Variants in EVA1C observed in about 807,000 individuals in gnomAD.
EVA1C encodes the protein eva-1 homolog C.
In EVA1C, 25 loss-of-function variants were observed where a neutral mutation model predicts 45.4. That is an observed-to-expected ratio of 0.55 (90% CI 0.40 to 0.77). EVA1C has a LOEUF of 0.77. EVA1C is among the 30% of genes least tolerant of loss of function. The pLI is 0.00. For missense variants in EVA1C, 479 were observed against 554.8 expected, an observed-to-expected ratio of 0.86 and a Z score of 1.37; for synonymous variants, 190 against 221.2, an observed-to-expected ratio of 0.86 and a Z score of 1.25.
At chr21:32,476,497 C>T (rs531244307) in intron 4 of EVA1C, among the ~76,000 whole-genome samples, 1 of 152,098 alleles carries the variant, frequency 6.6e-6, no homozygotes, top group African/African-American at 2.4e-5. Context: ...CAAAATTAAC[C>T]ACATGTGGTG....
chr21:32,503,212 A>C (rs115240248), intron 6 of EVA1C, among the ~76,000 whole-genome samples: 2,244 of 152,324 alleles, frequency 0.015, 66 homozygotes, highest in African/African-American at 0.051. Context: ...GGCTTGTTTT[A>C]TCTCTGGCCA....
rs568114269 is a variant in EVA1C, at chr21:32,476,572, T to C, written c.634+8724T>C. 1.8e-4 allele frequency among the ~76,000 whole-genome samples: 27 copies of C among 151,498 alleles called. No homozygotes were observed. In the South Asian group the frequency reaches 5.7e-3, roughly 32 times the overall value. Reference sequence around the variant, plus strand: ...CGGAGAATCGCATGAACCTGGGAGGTGGAGGTTGTGGTGAGCCGAGATCGC... The same window carrying C: ...CGGAGAATCGCATGAACCTGGGAGGCGGAGGTTGTGGTGAGCCGAGATCGC... On this transcript the variant is annotated intron_variant, in intron 4 of 7. Coordinates refer to ENST00000300255, the MANE Select transcript of EVA1C (RefSeq NM_058187.5).
intron 4 of EVA1C, among the ~76,000 whole-genome samples, chr21:32,482,848 T>G (rs1325403369): frequency 6.8e-5 from 1 of 14,678 alleles, no homozygotes; most frequent in African/African-American, 2.6e-4. Flanking sequence ...ATCCCAGTGT[T>G]ATTCCCTTTT....
intron 3 of EVA1C, among the ~76,000 whole-genome samples, chr21:32,463,667 T>C (rs1250064788): frequency 6.6e-6 from 1 of 151,966 alleles, no homozygotes; most frequent in Non-Finnish European, 1.5e-5. Context: ...CTACCTTTAA[T>C]GAATGGGCTT....
intron 4 of EVA1C, among the ~76,000 whole-genome samples, chr21:32,486,101 G>A (rs1006836428): frequency 1.3e-5 from 2 of 152,140 alleles, no homozygotes; most frequent in Admixed American, 6.6e-5. Context: ...GAGTGGATGC[G>A]GAGCTATTGA....
intron 1 of EVA1C, among the ~76,000 whole-genome samples, chr21:32,438,011 A>G (rs1215295122): frequency 6.6e-6 from 1 of 152,160 alleles, no homozygotes; most frequent in Admixed American, 6.5e-5. Context: ...GCGTCTATCA[A>G]GGAGGAGCAG....
chr21:32,432,012 T>C (rs113659289), intron 1 of EVA1C, among the ~76,000 whole-genome samples: 1 of 152,252 alleles, frequency 6.6e-6, no homozygotes, highest in East Asian at 1.9e-4. Flanking sequence ...AGGTCCCTTT[T>C]AGCCTGGAAC....
intron 1 of EVA1C, among the ~76,000 whole-genome samples, chr21:32,416,717 G>A (rs1284163099): frequency 1.3e-5 from 2 of 152,168 alleles, no homozygotes; most frequent in Non-Finnish European, 2.9e-5. Context: ...GAGGAAGGAA[G>A]GGAAGGAAAG....
At chr21:32,425,334 CAA>C (rs60224656) in intron 1 of EVA1C, among the ~76,000 whole-genome samples, 10 of 57,762 alleles carry the variant, frequency 1.7e-4, no homozygotes, top group Middle Eastern at 0.011. Flanking sequence ...GACTCCATCT[CAA>C]AAAAAAAAAA....
In EVA1C at chr21:32,467,778, T is replaced by C; in HGVS notation, c.564T>C (p.Ser188=). 2 of 1,613,234 alleles carry C rather than the reference T, an allele frequency of 1.2e-6. No homozygotes were observed. ...CHESKFLNIY[S]ATYGRRTQER... ...AATCCAAGTTCCTCAACATCTACTC[T>C]GCGACCTACGGCAGGAGGACCCAGG... is the stretch of plus-strand genomic sequence containing the variant. Residue 188 remains serine (S), a synonymous_variant, in exon 4 of 8, where the codon TCT becomes TCC. Transcript: ENST00000300255.
chr21:32,484,607 C>A (rs2036907950), intron 4 of EVA1C, among the ~76,000 whole-genome samples: 1 of 152,124 alleles, frequency 6.6e-6, no homozygotes, highest in Non-Finnish European at 1.5e-5. Context: ...ACATGTGTCA[C>A]CCGGGGTTCT....
At chr21:32,436,683 T>C (rs1174104364) in intron 1 of EVA1C, among the ~76,000 whole-genome samples, 1 of 152,286 alleles carries the variant, frequency 6.6e-6, no homozygotes, top group Admixed American at 6.5e-5. Flanking sequence ...GTTGTGGACA[T>C]AGTAGGCTTC....
intron 5 of EVA1C, chr21:32,497,193 G>C: frequency 1.2e-6 from 1 of 800,050 alleles, no homozygotes; most frequent in Non-Finnish European, 2.3e-6. Context: ...ATGAATGGAA[G>C]AGTATGGGTT....
intron 4 of EVA1C, among the ~76,000 whole-genome samples, chr21:32,471,151 G>T (rs1421433520): frequency 6.6e-6 from 1 of 151,968 alleles, no homozygotes; most frequent in African/African-American, 2.4e-5. Flanking sequence ...CTGGATGAGG[G>T]ACCCTTGGTG....
intron 3 of EVA1C, 42 bp from the exon 4 acceptor site, chr21:32,467,654 G>A (rs2036221290): frequency 1.9e-6 from 3 of 1,571,710 alleles, no homozygotes; most frequent in Non-Finnish European, 2.6e-6. Flanking sequence ...AATTCCTTCT[G>A]GGGGAAGCTG....
At chr21:32,489,710 T>C (rs2037090776) in intron 4 of EVA1C, among the ~76,000 whole-genome samples, 1 of 152,236 alleles carries the variant, frequency 6.6e-6, no homozygotes, top group Admixed American at 6.5e-5. Flanking sequence ...TGTAACCATA[T>C]AAATTCTTCC....
chr21:32,467,994 T>TTAAGTATTA, intron 4 of EVA1C, 146 bp downstream of exon 4: 1 of 450,254 alleles, frequency 2.2e-6, no homozygotes, highest in Non-Finnish European at 3.4e-6. Context: ...TGTAAGTTAA[T>TTAAGTATTA]ACTTAATAAA....
intron 3 of EVA1C, among the ~76,000 whole-genome samples, chr21:32,458,414 G>A (rs1472889203): frequency 2.0e-5 from 3 of 151,906 alleles, no homozygotes; most frequent in Admixed American, 1.3e-4. Flanking sequence ...GGCATTAGAG[G>A]TTCTTGCACA....
At chr21:32,500,748 G>C (rs1329522041) in intron 5 of EVA1C, among the ~76,000 whole-genome samples, 1 of 151,846 alleles carries the variant, frequency 6.6e-6, no homozygotes, top group African/African-American at 2.4e-5. Context: ...TGCGTGGTTG[G>C]CTTCTTTAAC....
Sources: allele counts gnomAD v4.1 joint callset (sites outside exome capture counted in the v4.1 genomes callset), GRCh38; gene constraint gnomAD v4.1.1; transcripts MANE v1.5; gene names NCBI Gene and HGNC (gene_info 2026-07-23, HGNC 2026-07-21).